The following ARHGAP6 variants were observed in gnomAD, a reference collection of about 807,000 sequenced individuals.
ARHGAP6 encodes the protein rho GTPase-activating protein 6.
A neutral mutation model predicts 55.7 loss-of-function variants in ARHGAP6; 16 were observed. The observed-to-expected ratio is 0.29, with a 90% confidence interval of 0.19 to 0.44. The LOEUF (loss-of-function observed/expected upper bound fraction) is 0.44, where lower values mean the gene tolerates loss of function less well. ARHGAP6 is among the 20% of genes least tolerant of loss of function. ARHGAP6 has a pLI of 1.00. For missense variants in ARHGAP6, 698 were observed against 808.9 expected, an observed-to-expected ratio of 0.86 and a Z score of 1.66; for synonymous variants, 382 against 360.9, an observed-to-expected ratio of 1.06 and a Z score of -0.66.
intron 1 of ARHGAP6, among the ~76,000 whole-genome samples, chrX:11,387,795 C>G (rs997569625): frequency 9.0e-6 from 1 of 110,938 alleles, no homozygotes; most frequent in South Asian, 3.9e-4. Flanking sequence ...TGAGTGAGAA[C>G]ATGCGGTGTT....
At chrX:11,532,804 A>C (rs1161964740) in intron 1 of ARHGAP6, among the ~76,000 whole-genome samples, 2 of 112,015 alleles carry the variant, frequency 1.8e-5, no homozygotes, top group African/African-American at 6.5e-5. Flanking sequence ...CACAGACCAG[A>C]AAGTCCACAA....
chrX:11,314,164 A>T (rs1407088682), intron 1 of ARHGAP6, among the ~76,000 whole-genome samples: 2 of 112,419 alleles, frequency 1.8e-5, no homozygotes, highest in Non-Finnish European at 3.7e-5. Flanking sequence ...TTGACAATGA[A>T]ATTGGCACTT....
intron 1 of ARHGAP6, among the ~76,000 whole-genome samples, chrX:11,287,036 C>G (rs1406586191): frequency 1.8e-5 from 2 of 111,582 alleles, no homozygotes; most frequent in African/African-American, 3.3e-5. Context: ...AAAACCCACT[C>G]AAGTGTACCC....
chrX:11,283,497 G>A (rs1211590894), intron 1 of ARHGAP6, among the ~76,000 whole-genome samples: 1 of 112,230 alleles, frequency 8.9e-6, no homozygotes, highest in Non-Finnish European at 1.9e-5. Flanking sequence ...CCCAAAATAT[G>A]TCCACATCCA....
At chrX:11,275,716 C>G (rs912995479) in intron 1 of ARHGAP6, among the ~76,000 whole-genome samples, 2 of 111,740 alleles carry the variant, frequency 1.8e-5, no homozygotes, top group Admixed American at 9.5e-5. Context: ...CACTGCTTAG[C>G]TCTTGGGCTT....
chrX:11,354,327 C>CTATATATATATATA (rs1174449401), intron 1 of ARHGAP6, among the ~76,000 whole-genome samples: 13 of 32,348 alleles, frequency 4.0e-4, no homozygotes, highest in African/African-American at 6.7e-4. Flanking sequence ...CTCTCTCTCT[C>CTATATATATATATA]TATATATATA....
At chrX:11,388,232 T>G (rs1280251619) in intron 1 of ARHGAP6, among the ~76,000 whole-genome samples, 13 of 112,032 alleles carry the variant, frequency 1.2e-4, no homozygotes, top group Middle Eastern at 4.6e-3. Context: ...CCTGACTTTT[T>G]AATGATCACC....
At chrX:11,332,865 C>T (rs950482596) in intron 1 of ARHGAP6, among the ~76,000 whole-genome samples, 3 of 111,986 alleles carry the variant, frequency 2.7e-5, no homozygotes, top group Non-Finnish European at 5.6e-5. Context: ...GTGACAACCA[C>T]AATAGTCAGG....
intron 1 of ARHGAP6, among the ~76,000 whole-genome samples, chrX:11,276,622 C>T (rs1258480791): frequency 1.8e-5 from 2 of 111,514 alleles, no homozygotes; most frequent in African/African-American, 6.5e-5. Flanking sequence ...ACACCAAATG[C>T]AGGTATGACG....
At chrX:11,661,864 A>T (rs775938836) in intron 1 of ARHGAP6, among the ~76,000 whole-genome samples, 1 of 112,106 alleles carries the variant, frequency 8.9e-6, no homozygotes, top group East Asian at 2.8e-4. Context: ...GATATTCAGC[A>T]GTGTCTAGAG....
chrX:11,185,164 G>GTGTGTGTGTGTGTGTGTA (rs1569246220), intron 5 of ARHGAP6, among the ~76,000 whole-genome samples: 11 of 110,663 alleles, frequency 9.9e-5, no homozygotes, highest in Non-Finnish European at 2.1e-4. Flanking sequence ...GTGTGTGTGT[G>GTGTGTGTGTGTGTGTGTA]TGTGTGTGTG....
At chrX:11,191,210 C>T (rs2046456373) in intron 3 of ARHGAP6, among the ~76,000 whole-genome samples, 1 of 112,232 alleles carries the variant, frequency 8.9e-6, no homozygotes, top group Non-Finnish European at 1.9e-5. Flanking sequence ...TGATAAGGTG[C>T]TCGCATTCAG....
chrX:11,500,346 A>G (rs1041877365), intron 1 of ARHGAP6, among the ~76,000 whole-genome samples: 2 of 110,339 alleles, frequency 1.8e-5, no homozygotes, highest in African/African-American at 3.3e-5. Context: ...TTTTTCACTA[A>G]ATCCCACAAC....
intron 1 of ARHGAP6, among the ~76,000 whole-genome samples, chrX:11,537,294 G>A (rs2051113355): frequency 8.9e-6 from 1 of 112,014 alleles, no homozygotes; most frequent in Non-Finnish European, 1.9e-5. Flanking sequence ...GACATTTTTA[G>A]TTGTTGCAAC....
chrX:11,483,776 GA>G (rs1457511525), intron 1 of ARHGAP6, among the ~76,000 whole-genome samples: 1 of 111,699 alleles, frequency 9.0e-6, no homozygotes, highest in Non-Finnish European at 1.9e-5. Flanking sequence ...TGTTGTAATA[GA>G]AATGGTCTCA....
chrX:11,429,488 T>C (rs191016515), intron 1 of ARHGAP6, among the ~76,000 whole-genome samples: 20 of 112,264 alleles, frequency 1.8e-4, no homozygotes, highest in African/African-American at 6.5e-4. Context: ...CTTCACTACA[T>C]GTATTTTATA....
At chrX:11,244,957 G>A (rs778298147) in intron 2 of ARHGAP6, among the ~76,000 whole-genome samples, 2 of 112,252 alleles carry the variant, frequency 1.8e-5, no homozygotes, top group South Asian at 7.5e-4. Context: ...ACACCTGCTT[G>A]GCACCAACAT....
At chrX:11,600,186 C>T (rs987701891) in intron 1 of ARHGAP6, among the ~76,000 whole-genome samples, 1 of 111,520 alleles carries the variant, frequency 9.0e-6, no homozygotes, top group African/African-American at 3.3e-5. Context: ...TCCTGGGAAT[C>T]CAAGGTAAGC....
intron 1 of ARHGAP6, among the ~76,000 whole-genome samples, chrX:11,474,814 G>C (rs972553203): frequency 1.8e-5 from 2 of 110,899 alleles, no homozygotes; most frequent in African/African-American, 6.6e-5. Context: ...GCAGTAGTGA[G>C]TTCTAGCTCT....
Sources: gnomAD v4.1 joint callset for allele counts (sites outside exome capture counted in the v4.1 genomes callset) on GRCh38, gnomAD v4.1.1 for gene constraint, MANE v1.5 for transcripts, NCBI Gene and HGNC (gene_info 2026-07-23, HGNC 2026-07-21) for gene names.